Variants in IRAG1 observed in about 807,000 individuals in gnomAD.
IRAG1 encodes inositol 1,4,5-triphosphate receptor associated 1.
A neutral mutation model predicts 106.2 loss-of-function variants in IRAG1; 62 were observed. The observed-to-expected ratio is 0.58, with a 90% CI of 0.48 to 0.72. IRAG1 has a LOEUF of 0.72. Ranked by LOEUF, IRAG1 falls within the 30% of genes least tolerant of loss-of-function variation. IRAG1 has a pLI of 0.00. For missense variants in IRAG1, 1,064 were observed against 1,140.7 expected (o/e 0.93, Z 0.97); for synonymous variants, 462 against 443.9 (o/e 1.04, Z -0.51).
chr11:10,693,666 C>T lies in IRAG1; in HGVS notation c.-64G>A, dbSNP rs1450541028. On this transcript the variant is annotated 5_prime_UTR_variant, in exon 1 of 21. Transcript: ENST00000423302. ...CGAGAAGCCTCTGGCTGCAGAACCT[C>T]GGCCGCACGCCTCCTCTGAGAGGGG... is the stretch of plus-strand genomic sequence containing the variant. 5.9e-6 allele frequency: 9 copies of T among 1,512,986 alleles called. No homozygotes were observed. In the East Asian group the frequency reaches 7.4e-5, roughly 12 times the overall value. The allele number at this position is 1,512,986 out of a possible 1,614,324, so 93.7% of individuals were successfully genotyped here. A position where few individuals can be genotyped will look rare whatever the true frequency, so the allele number is the denominator to read the frequency against.
chr11:10,595,359 T>C (rs1853179382), intron 15 of IRAG1, among the ~76,000 whole-genome samples: 1 of 152,194 alleles, frequency 6.6e-6, no homozygotes, highest in African/African-American at 2.4e-5. Context: ...GTTTTATTCA[T>C]TGACTTTTTC....
At chr11:10,654,152 T>A (rs1362060223) in intron 1 of IRAG1, among the ~76,000 whole-genome samples, 1 of 152,108 alleles carries the variant, frequency 6.6e-6, no homozygotes, top group African/African-American at 2.4e-5. Flanking sequence ...GTTCTTCCTG[T>A]CCTTCAGAAA....
intron 18 of IRAG1, chr11:10,588,975 C>G (rs981293914): frequency 2.0e-5 from 3 of 152,182 alleles, no homozygotes; most frequent in Admixed American, 6.5e-5. Context: ...ATCTTCAGGA[C>G]TAACTTTAAA....
At chr11:10,633,288 G>A (rs764410771) in intron 3 of IRAG1, among the ~76,000 whole-genome samples, 81 of 152,160 alleles carry the variant, frequency 5.3e-4, no homozygotes, top group Non-Finnish European at 7.9e-4. Flanking sequence ...TGTTAGCCAG[G>A]ATGGTCTCGA....
At chr11:10,669,564 A>G (rs1346849379) in intron 1 of IRAG1, among the ~76,000 whole-genome samples, 1 of 152,220 alleles carries the variant, frequency 6.6e-6, no homozygotes, top group Non-Finnish European at 1.5e-5. Context: ...GTAGATCTTC[A>G]GAAGATAAGA....
At chr11:10,609,978 C>T (rs1385415103) in intron 10 of IRAG1, 127 bp from the exon 11 acceptor site, 1 of 889,886 alleles carries the variant, frequency 1.1e-6, no homozygotes, top group Non-Finnish European at 1.7e-6. Context: ...TAATTGTTAT[C>T]TTACATTATT....
At chr11:10,618,217 C>T (rs1267269716) in intron 10 of IRAG1, among the ~76,000 whole-genome samples, 2 of 152,124 alleles carry the variant, frequency 1.3e-5, no homozygotes, top group African/African-American at 4.8e-5. Context: ...CTTGGGATGA[C>T]TTTCTCTTCC....
At chr11:10,639,175 C>A (rs1399655207) in intron 2 of IRAG1, among the ~76,000 whole-genome samples, 1 of 152,208 alleles carries the variant, frequency 6.6e-6, no homozygotes, top group African/African-American at 2.4e-5. Flanking sequence ...CTGCCTTGGC[C>A]TCCCAAAGTG....
rs1475216567 is a variant in IRAG1 at position 10,626,213 on chromosome 11, G to T, written c.1121C>A (p.Ala374Asp). Residue 374 changes from alanine to aspartate, a missense_variant, in exon 9 of 21, where the codon GCT becomes GAT. Physicochemically the swap from Ala to Asp is moderately radical, Grantham distance 126. Transcript: ENST00000423302. ...GGGTGGAAGCTCAGCTTTGGAGCCAGCCTCGGGCCCCATCGGCTCTCCAGC... is the reference window on the plus strand; with the variant it reads ...GGGTGGAAGCTCAGCTTTGGAGCCATCCTCGGGCCCCATCGGCTCTCCAGC... Reference protein sequence around the residue: ...GPAGEPMGPEAGSKAELPPTV... With the variant: ...GPAGEPMGPEDGSKAELPPTV... The T allele has an allele frequency of 6.3e-7, 1 of 1,586,462 alleles. No homozygotes were observed. Among genetic ancestry groups the T allele is most frequent in the Admixed American group, 1.7e-5 (1 of 57,458 alleles).
chr11:10,669,587 G>A (rs1325133036), intron 1 of IRAG1, among the ~76,000 whole-genome samples: 1 of 152,214 alleles, frequency 6.6e-6, no homozygotes, highest in East Asian at 1.9e-4. Flanking sequence ...ATGCCATGGT[G>A]TGGAAAACTC....
chr11:10,678,232 G>A (rs1350524502), intron 1 of IRAG1, among the ~76,000 whole-genome samples: 1 of 152,132 alleles, frequency 6.6e-6, no homozygotes, highest in Non-Finnish European at 1.5e-5. Context: ...TACATTTACT[G>A]GGAAGCTGCT....
chr11:10,611,219 A>C (rs546381524), intron 10 of IRAG1, among the ~76,000 whole-genome samples: 1 of 152,340 alleles, frequency 6.6e-6, no homozygotes, highest in African/African-American at 2.4e-5. Context: ...TCAGTCAGCA[A>C]TTCTTCTTTG....
intron 11 of IRAG1, among the ~76,000 whole-genome samples, chr11:10,607,907 A>C (rs1854614823): frequency 1.3e-5 from 2 of 152,280 alleles, no homozygotes; most frequent in South Asian, 4.1e-4. Context: ...AACCCCACCC[A>C]TCAGGCCCTT....
At chr11:10,660,659 C>T (rs1005999123) in intron 1 of IRAG1, among the ~76,000 whole-genome samples, 3 of 152,334 alleles carry the variant, frequency 2.0e-5, no homozygotes, top group African/African-American at 7.2e-5. Flanking sequence ...GTTATGGAGA[C>T]TTCATTGCCA....
intron 1 of IRAG1, chr11:10,687,681 C>T: frequency 7.8e-7 from 1 of 1,286,672 alleles, no homozygotes; most frequent in Non-Finnish European, 1.0e-6. Flanking sequence ...GGAAGTCCAC[C>T]ACTCTCCTTG....
intron 10 of IRAG1, among the ~76,000 whole-genome samples, chr11:10,610,989 T>C (rs1291486102): frequency 6.6e-6 from 1 of 152,216 alleles, no homozygotes; most frequent in Admixed American, 6.5e-5. Context: ...ACCAGGACTA[T>C]AGGCATAGTT....
intron 17 of IRAG1, chr11:10,593,201 A>G: frequency 4.4e-6 from 1 of 229,590 alleles, no homozygotes; most frequent in Non-Finnish European, 8.7e-6. Flanking sequence ...AGTAGAAAAA[A>G]ATTGTAACCA....
chr11:10,674,403 G>A (rs535444728), intron 1 of IRAG1, among the ~76,000 whole-genome samples: 20 of 152,260 alleles, frequency 1.3e-4, no homozygotes, highest in Non-Finnish European at 2.8e-4. Context: ...ACAAATGGGG[G>A]TGACACCTTT....
rs371860570 is a variant in IRAG1, at chr11:10,672,678, C to T, written c.68-20496G>A. Among the ~76,000 whole-genome samples, 33 of 152,248 alleles carry T rather than the reference C, an allele frequency of 2.2e-4. No individual in the cohort carries two copies. In the East Asian group the frequency reaches 4.3e-3, roughly 20 times the overall value. On this transcript the variant is annotated intron_variant, in intron 1 of 20. Transcript: ENST00000423302. ...AAATAAAAAAGACAACAGCAAGTGTCGACTAGGATGTGAAGAAACTAGAAC... is the reference window on the plus strand; with the variant it reads ...AAATAAAAAAGACAACAGCAAGTGTTGACTAGGATGTGAAGAAACTAGAAC...
Sources: gnomAD v4.1 joint callset for allele counts (sites outside exome capture counted in the v4.1 genomes callset) on GRCh38, gnomAD v4.1.1 for gene constraint, MANE v1.5 for transcripts, NCBI Gene and HGNC (gene_info 2026-07-23, HGNC 2026-07-21) for gene names.